The following THRB variants were observed in gnomAD, a reference collection of about 807,000 sequenced individuals.
THRB encodes thyroid hormone receptor beta.
Under a neutral mutation model 47.8 loss-of-function variants are expected in THRB, and 12 were observed. The observed-to-expected ratio is 0.25, with a 90% CI of 0.16 to 0.41. The LOEUF is 0.41. Ranked by LOEUF, THRB falls within the 10% of genes least tolerant of loss-of-function variation. THRB has a pLI of 1.00. For synonymous variants in THRB, 218 were observed against 212.2 expected (o/e 1.03, Z -0.24); for missense variants, 348 against 589.2 (o/e 0.59, Z 4.24).
intron 1 of THRB, among the ~76,000 whole-genome samples, chr3:24,474,387 C>A (rs1224864591): frequency 6.6e-6 from 1 of 152,196 alleles, no homozygotes; most frequent in Non-Finnish European, 1.5e-5. Flanking sequence ...GCCCATCATA[C>A]TCTTATACTT....
At chr3:24,495,447 G>T (rs1698886357), upstream of THRB, 1 of 153,158 alleles carries the variant, frequency 6.5e-6, no homozygotes, top group African/African-American at 2.4e-5. Context: ...CGCACTCGAG[G>T]TCCCCGGGCC....
chr3:24,352,189 T>C (rs2063400040), intron 1 of THRB, among the ~76,000 whole-genome samples: 1 of 152,202 alleles, frequency 6.6e-6, no homozygotes, highest in African/African-American at 2.4e-5. Flanking sequence ...CTTATCTTTC[T>C]AACACAGGAA....
At chr3:24,335,674 G>A (rs533980422) in intron 2 of THRB, among the ~76,000 whole-genome samples, 1 of 152,142 alleles carries the variant, frequency 6.6e-6, no homozygotes, top group East Asian at 1.9e-4. Context: ...TTCTCCCCAA[G>A]GTAATCACTA....
At position 24,246,868 on chromosome 3, in the gene THRB, T is replaced by C. The variant is rs963667511; in HGVS notation, c.-42-17867A>G. On this transcript the variant is annotated intron_variant, in intron 3 of 10. Transcript: ENST00000646209. ...ACATGAAAAGGAAAGACAGTGGATC[T>C]TGGTCATCAATTTGTATTGTTGATT... Among the ~76,000 whole-genome samples, 11 of 152,366 alleles carry C rather than the reference T, an allele frequency of 7.2e-5. No homozygotes were observed. In the South Asian group the frequency reaches 1.0e-3, roughly 14 times the overall value.
chr3:24,312,324 A>G (rs984960888), intron 2 of THRB, among the ~76,000 whole-genome samples: 5 of 151,996 alleles, frequency 3.3e-5, no homozygotes, highest in Non-Finnish European at 7.4e-5. Context: ...CCTCATGTCT[A>G]TTTTCTTTTT....
chr3:24,307,336 T>C (rs1476957161), intron 2 of THRB, among the ~76,000 whole-genome samples: 1 of 147,496 alleles, frequency 6.8e-6, no homozygotes, highest in Non-Finnish European at 1.5e-5. Flanking sequence ...AAATCACTAG[T>C]AATGCAACTA....
At chr3:24,174,488 G>A (rs1173954917) in intron 5 of THRB, among the ~76,000 whole-genome samples, 1 of 152,086 alleles carries the variant, frequency 6.6e-6, no homozygotes, top group Non-Finnish European at 1.5e-5. Context: ...GCAGCTAGGG[G>A]AATTGATTTT....
chr3:24,191,232 G>C (rs184797278), intron 4 of THRB, among the ~76,000 whole-genome samples: 3 of 143,444 alleles, frequency 2.1e-5, no homozygotes, highest in East Asian at 4.0e-4. Flanking sequence ...TGGATATAGA[G>C]AGCAAAAATG....
In THRB at chr3:24,192,709, T is replaced by A. The variant is rs117727108; in HGVS notation, c.23-2375A>T. 1.6e-3 allele frequency among the ~76,000 whole-genome samples: 242 copies of A among 152,252 alleles called. 3 individuals are homozygous for A. The East Asian group carries it at 0.041, about 26-fold the overall frequency. On this transcript the variant is annotated intron_variant, in intron 4 of 10. Transcript: ENST00000646209. ...CCCTTGGGCCAGCAAGAAGGGGTTT[T>A]TTTCTAAGCAAGGAAGGCTACACTT...
At chr3:24,414,892 C>T (rs752372099) in intron 1 of THRB, among the ~76,000 whole-genome samples, 2 of 151,882 alleles carry the variant, frequency 1.3e-5, no homozygotes, top group South Asian at 2.1e-4. Context: ...TAAAATGAAA[C>T]GGCATTAGCT....
chr3:24,315,771 GATA>G (rs1461223035), intron 2 of THRB, among the ~76,000 whole-genome samples: 1 of 152,146 alleles, frequency 6.6e-6, no homozygotes, highest in African/African-American at 2.4e-5. Context: ...ACACCAGCCT[GATA>G]ATAATAATTG....
chr3:24,177,303 T>C (rs891016501), intron 5 of THRB, among the ~76,000 whole-genome samples: 1 of 152,232 alleles, frequency 6.6e-6, no homozygotes, highest in Non-Finnish European at 1.5e-5. Context: ...AGAATTTTCA[T>C]CATCGCTTGG....
At chr3:24,336,795 C>T (rs2062286862) in intron 2 of THRB, among the ~76,000 whole-genome samples, 1 of 149,886 alleles carries the variant, frequency 6.7e-6, no homozygotes, top group Non-Finnish European at 1.5e-5. Flanking sequence ...GATCTCTGCT[C>T]ACTGCAAGCT....
chr3:24,278,145 A>C (rs2150767965), intron 3 of THRB, among the ~76,000 whole-genome samples: 1 of 152,338 alleles, frequency 6.6e-6, no homozygotes, highest in South Asian at 2.1e-4. Flanking sequence ...CAGATTACAC[A>C]ACAGAAAGAT....
intron 1 of THRB, among the ~76,000 whole-genome samples, chr3:24,350,091 C>A (rs1438864298): frequency 6.6e-6 from 1 of 152,016 alleles, no homozygotes; most frequent in African/African-American, 2.4e-5. Context: ...CAAGAAGATA[C>A]TCAAATGCAA....
In THRB at chr3:24,240,942, G is replaced by A. The variant is rs536057100; in HGVS notation, c.-42-11941C>T. Among the ~76,000 whole-genome samples the A allele has an allele frequency of 7.9e-5, 12 of 152,184 alleles. No homozygotes were observed. In the South Asian group the frequency reaches 8.3e-4, roughly 11 times the overall value. ...GCAGGCACCCCCACCTTTCCATCCT[G>A]ACCAGCACACGGTCAGCCTTCTCTA... On this transcript the variant is annotated intron_variant, in intron 3 of 10. Transcript: ENST00000646209.
intron 1 of THRB, among the ~76,000 whole-genome samples, chr3:24,489,079 C>A (rs1261801929): frequency 1.3e-5 from 2 of 151,888 alleles, no homozygotes; most frequent in Non-Finnish European, 2.9e-5. Context: ...CATGGTGAAA[C>A]CCTGTCCCTA....
chr3:24,239,182 T>A (rs2049221201), intron 3 of THRB, among the ~76,000 whole-genome samples: 1 of 152,148 alleles, frequency 6.6e-6, no homozygotes, highest in Non-Finnish European at 1.5e-5. Context: ...CCTCAAGTGA[T>A]CTGCCCACCT....
chr3:24,183,683 T>C (rs2042215744), intron 5 of THRB, among the ~76,000 whole-genome samples: 1 of 150,782 alleles, frequency 6.6e-6, no homozygotes, highest in Non-Finnish European at 1.5e-5. Context: ...TTTCATCTTT[T>C]TTTTTTTTTT....
Sources: allele counts gnomAD v4.1 joint callset (sites outside exome capture counted in the v4.1 genomes callset), GRCh38; gene constraint gnomAD v4.1.1; transcripts MANE v1.5; gene names NCBI Gene and HGNC (gene_info 2026-07-23, HGNC 2026-07-21).